The following NRG2 variants were observed in gnomAD, a reference collection of about 807,000 sequenced individuals.
NRG2 encodes pro-neuregulin-2, membrane-bound isoform.
NRG2 carries 27 observed loss-of-function variants against 73.9 expected under a neutral mutation model. That is an observed-to-expected ratio of 0.37 (90% confidence interval 0.27 to 0.50). The LOEUF (loss-of-function observed/expected upper bound fraction) is 0.50. NRG2 is among the 20% of genes least tolerant of loss of function. The probability of loss-of-function intolerance (pLI) is 0.96; values close to 1 mark genes in which losing one functional copy is unlikely to be tolerated. For missense variants in NRG2, 1,126 were observed against 1,210.1 expected (o/e 0.93, Z 1.03); for synonymous variants, 532 against 541.0 (o/e 0.98, Z 0.23).
At chr5:139,990,433 G>C (rs2126591677) in intron 1 of NRG2, among the ~76,000 whole-genome samples, 2 of 152,116 alleles carry the variant, frequency 1.3e-5, no homozygotes, top group African/African-American at 4.8e-5. Context: ...AGCCTCCCAA[G>C]TAGCTGGGAC....
intron 1 of NRG2, among the ~76,000 whole-genome samples, chr5:140,011,027 T>G (rs1759321861): frequency 6.6e-6 from 1 of 152,240 alleles, no homozygotes; most frequent in Non-Finnish European, 1.5e-5. Flanking sequence ...CTGTTTGTCC[T>G]GCATACAGCT....
intron 1 of NRG2, among the ~76,000 whole-genome samples, chr5:139,995,140 C>A (rs959215718): frequency 4.6e-5 from 7 of 152,130 alleles, no homozygotes; most frequent in African/African-American, 1.7e-4. Flanking sequence ...AAAGGAAGCA[C>A]CCAAACCTTC....
intron 1 of NRG2, among the ~76,000 whole-genome samples, chr5:139,985,795 C>T (rs1757129685): frequency 6.6e-6 from 1 of 152,198 alleles, no homozygotes; most frequent in Admixed American, 6.5e-5. Context: ...TTTCAGCTTA[C>T]ACCTTTCGCT....
chr5:139,982,954 G>A (rs1030744680), intron 1 of NRG2, among the ~76,000 whole-genome samples: 2 of 152,158 alleles, frequency 1.3e-5, no homozygotes, highest in African/African-American at 4.8e-5. Context: ...CCTTTATCAG[G>A]CTTTATCAGC....
At chr5:139,971,420 C>T (rs1196905413) in intron 1 of NRG2, among the ~76,000 whole-genome samples, 1 of 152,210 alleles carries the variant, frequency 6.6e-6, no homozygotes, top group Non-Finnish European at 1.5e-5. Context: ...TTGATTGTGC[C>T]CACCATTCTT....
intron 1 of NRG2, among the ~76,000 whole-genome samples, chr5:139,898,095 C>T (rs552512060): frequency 1.4e-4 from 22 of 152,376 alleles, no homozygotes; most frequent in African/African-American, 3.8e-4. Context: ...ATGTGGCCTT[C>T]GCCCTGGTGG....
intron 1 of NRG2, among the ~76,000 whole-genome samples, chr5:139,934,291 A>T (rs1752688732): frequency 1.3e-5 from 2 of 152,334 alleles, no homozygotes; most frequent in South Asian, 4.1e-4. Context: ...TTAAGGCAAA[A>T]ATAACAATGT....
At position 139,852,263 on chromosome 5, in the gene NRG2, G is replaced by C. The variant is rs1033641479; in HGVS notation, c.1544+169C>G. Among the ~76,000 whole-genome samples the C allele has an allele frequency of 1.3e-5, 2 of 152,264 alleles. No homozygotes were observed. The highest frequency in any genetic ancestry group is 4.8e-5 in the African/African-American group (2 of 41,472). ...TTTGAGTTGTCTGAGCCTTTGTGCTGTGTGGACTGGCCTCTGCAGTTCTGG... is the reference window on the plus strand; with the variant it reads ...TTTGAGTTGTCTGAGCCTTTGTGCTCTGTGGACTGGCCTCTGCAGTTCTGG... On this transcript the variant is annotated intron_variant, in intron 8 of 9. Transcript: ENST00000361474. This position sits in a 1 kb window ranked among gnomAD's most constrained non-coding sequence, Gnocchi z 4.4.
At chr5:139,878,098 C>T (rs908787902) in intron 3 of NRG2, among the ~76,000 whole-genome samples, 142 of 152,384 alleles carry the variant, frequency 9.3e-4, no homozygotes, top group African/African-American at 3.3e-3. Context: ...CCACAGGCCC[C>T]AAGCCCTGTG....
At chr5:140,028,815 G>T (rs1430073251) in intron 1 of NRG2, among the ~76,000 whole-genome samples, 4 of 152,096 alleles carry the variant, frequency 2.6e-5, no homozygotes, top group African/African-American at 9.7e-5. Context: ...CAAGCAGAGT[G>T]TGGTGGATGT....
At chr5:139,964,986 C>T (rs1755380305) in intron 1 of NRG2, among the ~76,000 whole-genome samples, 1 of 152,224 alleles carries the variant, frequency 6.6e-6, no homozygotes, top group Non-Finnish European at 1.5e-5. Context: ...TTTCACTCTC[C>T]CAGCTTAAGG....
intron 1 of NRG2, among the ~76,000 whole-genome samples, chr5:139,961,868 G>C (rs1755090112): frequency 6.6e-6 from 1 of 152,168 alleles, no homozygotes; most frequent in Non-Finnish European, 1.5e-5. Context: ...GTCCTGACTT[G>C]GCATTAGCTT....
At chr5:139,889,453 G>T (rs1210917157) in intron 1 of NRG2, among the ~76,000 whole-genome samples, 1 of 152,082 alleles carries the variant, frequency 6.6e-6, no homozygotes, top group African/African-American at 2.4e-5. Flanking sequence ...GTCTTTCTAG[G>T]AGATAATCAA....
intron 1 of NRG2, chr5:140,019,624 A>T (rs778509592): frequency 3.9e-5 from 6 of 152,124 alleles, no homozygotes; most frequent in African/African-American, 1.4e-4. Flanking sequence ...TATAAGTTCA[A>T]ATTAGCTCCA....
At chr5:139,967,007 A>T (rs1185281715) in intron 1 of NRG2, among the ~76,000 whole-genome samples, 1 of 152,078 alleles carries the variant, frequency 6.6e-6, no homozygotes, top group East Asian at 1.9e-4. Context: ...ACATCAATAG[A>T]ACTTATTTGC....
intron 1 of NRG2, among the ~76,000 whole-genome samples, chr5:140,041,577 G>A (rs903409790): frequency 6.7e-6 from 1 of 149,596 alleles, no homozygotes; most frequent in South Asian, 2.1e-4. Flanking sequence ...CGAGTAAGAC[G>A]TTAGAGCTGA....
intron 1 of NRG2, among the ~76,000 whole-genome samples, chr5:140,024,611 C>T (rs1223471852): frequency 6.6e-6 from 1 of 152,176 alleles, no homozygotes; most frequent in Non-Finnish European, 1.5e-5. Flanking sequence ...GGACGATCCT[C>T]ATTTTTTGAT....
Position 139,887,319 on chromosome 5 carries a change from G to A in NRG2, c.872+21C>T. 1.2e-6 allele frequency: 2 copies of A among 1,612,922 alleles called. No individual in the cohort carries two copies. The highest frequency in any genetic ancestry group is 1.7e-6 in the Non-Finnish European group (2 of 1,179,058). On this transcript the variant is annotated intron_variant, in intron 2 of 9. Coordinates refer to ENST00000361474, the MANE Select transcript of NRG2 (RefSeq NM_004883.3). The surrounding 1 kb of genome is among the most constrained non-coding windows in gnomAD (Gnocchi z 4.5). ...AGGGAGGGCAGCTGCTTGGATGGAG[G>A]ACAGGCTGGATATTGCTTACCTGCC...
intron 1 of NRG2, among the ~76,000 whole-genome samples, chr5:139,942,844 CTATT>C (rs1753502073): frequency 6.6e-6 from 1 of 152,132 alleles, no homozygotes; most frequent in Non-Finnish European, 1.5e-5. Flanking sequence ...CTGATTTCCA[CTATT>C]TATTTATTTA....
Sources: allele counts gnomAD v4.1 joint callset (sites outside exome capture counted in the v4.1 genomes callset), GRCh38; gene constraint gnomAD v4.1.1; non-coding constraint Gnocchi (gnomAD v3.1); transcripts MANE v1.5; gene names NCBI Gene and HGNC (gene_info 2026-07-23, HGNC 2026-07-21).